The following ETV1 variants were observed in gnomAD, a reference collection of about 807,000 sequenced individuals.
The protein encoded by ETV1 is ETS translocation variant 1.
ETV1 carries 27 observed loss-of-function variants against 62.3 expected under a neutral mutation model. That is an observed-to-expected ratio of 0.43 (90% CI 0.32 to 0.60). The LOEUF is 0.60. Ranked by LOEUF, ETV1 falls within the 20% of genes least tolerant of loss-of-function variation. The probability of loss-of-function intolerance (pLI) is 0.06; values close to 1 mark genes in which losing one functional copy is unlikely to be tolerated. For missense variants in ETV1, 605 were observed against 605.8 expected (o/e 1.00, Z 0.01); for synonymous variants, 222 against 199.6 (o/e 1.11, Z -0.94).
intron 9 of ETV1, among the ~76,000 whole-genome samples, chr7:13,914,907 G>A (rs1783984518): frequency 6.6e-6 from 1 of 152,166 alleles, no homozygotes; most frequent in African/African-American, 2.4e-5. Context: ...TGAAATATCT[G>A]TACAGAGCTG....
intron 6 of ETV1, among the ~76,000 whole-genome samples, chr7:13,968,406 C>G (rs1237083998): frequency 1.3e-5 from 2 of 151,564 alleles, no homozygotes; most frequent in Non-Finnish European, 2.9e-5. Context: ...CCCTATGTAC[C>G]TTAACAAGAA....
At position 13,918,254 on chromosome 7, in the gene ETV1, G is replaced by C. The variant is rs1784414008; in HGVS notation, c.803-6947C>G. On this transcript the variant is annotated intron_variant, in intron 9 of 13. Coordinates refer to ENST00000430479, the MANE Select transcript of ETV1 (RefSeq NM_004956.5). ...TGGGTATATACCCAGTAATGGGATG[G>C]CTGGGTCAAATGGTATTTCTAGTTC... 5.3e-5 allele frequency among the ~76,000 whole-genome samples: 8 copies of C among 152,086 alleles called. 2 individuals carry two copies. The South Asian group carries it at 1.7e-3, about 32-fold the overall frequency.
chr7:13,921,843 T>C (rs924206273), intron 9 of ETV1, among the ~76,000 whole-genome samples: 10 of 152,158 alleles, frequency 6.6e-5, no homozygotes, highest in Admixed American at 1.3e-4. Context: ...AGTGAACGTA[T>C]ACCGAATTAT....
intron 6 of ETV1, among the ~76,000 whole-genome samples, chr7:13,961,017 G>A (rs907135537): frequency 5.9e-5 from 9 of 152,050 alleles, no homozygotes; most frequent in East Asian, 1.9e-4. Context: ...GCATGGTAGC[G>A]CACACCGGAG....
At chr7:13,904,521 T>A (rs916808390) in intron 12 of ETV1, among the ~76,000 whole-genome samples, 1 of 152,180 alleles carries the variant, frequency 6.6e-6, no homozygotes, top group Non-Finnish European at 1.5e-5. Context: ...ATAAAAAGCT[T>A]AATCATTTGC....
chr7:13,917,965 G>GA (rs1442452457), intron 9 of ETV1, among the ~76,000 whole-genome samples: 5 of 151,220 alleles, frequency 3.3e-5, no homozygotes, highest in Admixed American at 6.6e-5. Flanking sequence ...CTCTGTCTCA[G>GA]AAAAAAAAGA....
intron 9 of ETV1, among the ~76,000 whole-genome samples, chr7:13,926,761 T>C (rs966084129): frequency 6.6e-6 from 1 of 152,170 alleles, no homozygotes; most frequent in African/African-American, 2.4e-5. Context: ...CCTAGTATCA[T>C]GATACAATCA....
intron 6 of ETV1, among the ~76,000 whole-genome samples, chr7:13,968,285 A>G (rs1160717565): frequency 4.6e-5 from 7 of 152,024 alleles, no homozygotes; most frequent in African/African-American, 1.4e-4. Context: ...AGAAAAAGCT[A>G]AAGACTTGGG....
chr7:13,909,772 T>C (rs1583591058), intron 10 of ETV1, 72 bp from the exon 11 acceptor site: 2 of 1,289,748 alleles, frequency 1.6e-6, no homozygotes, highest in East Asian at 4.6e-5. Context: ...TATAACCATT[T>C]AACATAAAAA....
At chr7:13,904,170 A>G (rs1782719627) in intron 12 of ETV1, among the ~76,000 whole-genome samples, 2 of 152,230 alleles carry the variant, frequency 1.3e-5, no homozygotes, top group African/African-American at 4.8e-5. Context: ...GCCTGATGGA[A>G]GTAATTGCAA....
chr7:13,914,115 C>G (rs1169018464), intron 9 of ETV1, among the ~76,000 whole-genome samples: 1 of 151,714 alleles, frequency 6.6e-6, no homozygotes, highest in Non-Finnish European at 1.5e-5. Context: ...GAACTCCTGA[C>G]CTCAAGTAAT....
At chr7:13,959,682 G>C (rs974342361) in intron 6 of ETV1, among the ~76,000 whole-genome samples, 2 of 151,728 alleles carry the variant, frequency 1.3e-5, no homozygotes, top group Admixed American at 1.3e-4. Context: ...TCAGGAGTTC[G>C]AGACCAGCCT....
chr7:13,920,926 A>G (rs779435689), intron 9 of ETV1, among the ~76,000 whole-genome samples: 10 of 152,214 alleles, frequency 6.6e-5, no homozygotes, highest in Non-Finnish European at 1.5e-4. Context: ...AACAAAATCA[A>G]TTAGGAAGAC....
At chr7:13,988,003 T>C in intron 4 of ETV1, 83 bp downstream of exon 4, 2 of 761,560 alleles carry the variant, frequency 2.6e-6, no homozygotes, top group East Asian at 4.9e-5. Flanking sequence ...ATTTTTAAGA[T>C]AAGACTGAAG....
At chr7:13,918,347 T>C (rs552094610) in intron 9 of ETV1, among the ~76,000 whole-genome samples, 1 of 152,256 alleles carries the variant, frequency 6.6e-6, no homozygotes, top group East Asian at 1.9e-4. Flanking sequence ...CCACCAACAG[T>C]GTAAAAGTGT....
At chr7:13,905,256 G>C (rs1415792725) in intron 12 of ETV1, among the ~76,000 whole-genome samples, 1 of 152,076 alleles carries the variant, frequency 6.6e-6, no homozygotes, top group Non-Finnish European at 1.5e-5. Context: ...AATTCAAGAT[G>C]ATGGACCCAG....
intron 5 of ETV1, among the ~76,000 whole-genome samples, chr7:13,982,606 G>T (rs1782104338): frequency 6.6e-6 from 1 of 151,870 alleles, no homozygotes; most frequent in African/African-American, 2.4e-5. Flanking sequence ...AAAAAGAGGG[G>T]TGATAGCCCA....
intron 6 of ETV1, among the ~76,000 whole-genome samples, chr7:13,962,806 T>C (rs1358977867): frequency 6.6e-6 from 1 of 152,190 alleles, no homozygotes; most frequent in Non-Finnish European, 1.5e-5. Flanking sequence ...TGTTATAAAT[T>C]AGAATAATTC....
At chr7:13,924,176 C>G (rs560663230) in intron 9 of ETV1, among the ~76,000 whole-genome samples, 1 of 152,200 alleles carries the variant, frequency 6.6e-6, no homozygotes, top group African/African-American at 2.4e-5. Context: ...ATTCAGCTGA[C>G]AATGGTCTGA....
Sources: gnomAD v4.1 joint callset for allele counts (sites outside exome capture counted in the v4.1 genomes callset) on GRCh38, gnomAD v4.1.1 for gene constraint, MANE v1.5 for transcripts, NCBI Gene and HGNC (gene_info 2026-07-23, HGNC 2026-07-21) for gene names.